The following MSRA variants were observed in gnomAD, a reference collection of about 807,000 sequenced individuals.
MSRA encodes mitochondrial peptide methionine sulfoxide reductase.
A neutral mutation model predicts 31.3 loss-of-function variants in MSRA; 54 were observed. The ratio of observed to expected loss-of-function variants is 1.73; its 90% CI spans 1.39 to 2.17. MSRA has a LOEUF of 2.17. Among genes scored for constraint, MSRA ranks in the 30% most tolerant of loss-of-function variants. MSRA has a pLI of 0.00. For missense variants in MSRA, 507 were observed against 300.9 expected (o/e 1.69, Z -5.07); for synonymous variants, 169 against 116.5 (o/e 1.45, Z -2.90).
intron 2 of MSRA, among the ~76,000 whole-genome samples, chr8:10,238,355 C>T (rs942976154): frequency 6.6e-6 from 1 of 152,194 alleles, no homozygotes; most frequent in Non-Finnish European, 1.5e-5. Flanking sequence ...TTTTTTATAG[C>T]TCTTGTTACC....
chr8:10,362,148 T>C (rs186403594), intron 5 of MSRA, among the ~76,000 whole-genome samples: 1 of 152,244 alleles, frequency 6.6e-6, no homozygotes, highest in East Asian at 1.9e-4. Flanking sequence ...TTTTCCTCCT[T>C]GTAAAATGGA....
chr8:10,125,237 G>A (rs1045893100), intron 1 of MSRA, among the ~76,000 whole-genome samples: 4 of 152,216 alleles, frequency 2.6e-5, no homozygotes, highest in East Asian at 3.9e-4. Flanking sequence ...CCAAAGACAT[G>A]TACTCTCTGC....
intron 1 of MSRA, among the ~76,000 whole-genome samples, chr8:10,069,030 A>G (rs142216676): frequency 1.2e-4 from 18 of 152,148 alleles, no homozygotes; most frequent in South Asian, 4.1e-4. Flanking sequence ...TGTTTTTTTG[A>G]TGTTGATGTA....
At chr8:10,110,296 C>T (rs1339937686) in intron 1 of MSRA, among the ~76,000 whole-genome samples, 2 of 152,240 alleles carry the variant, frequency 1.3e-5, no homozygotes, top group East Asian at 3.9e-4. Context: ...TTTTATTTTG[C>T]CCCATTCTTT....
intron 2 of MSRA, among the ~76,000 whole-genome samples, chr8:10,208,576 C>G (rs961527101): frequency 1.3e-5 from 2 of 151,822 alleles, no homozygotes; most frequent in African/African-American, 4.8e-5. Context: ...TTTCTCCATT[C>G]TTTCCTTCCT....
intron 5 of MSRA, among the ~76,000 whole-genome samples, chr8:10,379,912 C>T (rs1805965377): frequency 6.6e-6 from 1 of 152,148 alleles, no homozygotes; most frequent in South Asian, 2.1e-4. Context: ...CAAACTCAGG[C>T]CAGATGCCTA....
chr8:10,222,390 A>G (rs75506103), intron 2 of MSRA, among the ~76,000 whole-genome samples: 4,677 of 152,198 alleles, frequency 0.031, 111 homozygotes, highest in East Asian at 0.15. Flanking sequence ...GTTGGTGAGG[A>G]CTCTCACTGT....
At chr8:10,231,193 C>T (rs957299118) in intron 2 of MSRA, among the ~76,000 whole-genome samples, 1 of 151,604 alleles carries the variant, frequency 6.6e-6, no homozygotes, top group Middle Eastern at 3.4e-3. Flanking sequence ...GGCGGGCGGA[C>T]AGGGAGGAGG....
At chr8:10,414,955 A>G (rs982173511) in intron 5 of MSRA, among the ~76,000 whole-genome samples, 2 of 152,194 alleles carry the variant, frequency 1.3e-5, no homozygotes, top group Non-Finnish European at 2.9e-5. Flanking sequence ...AAAGCCATGA[A>G]AAGAAAACTC....
chr8:10,385,716 C>T (rs570710384), intron 5 of MSRA, among the ~76,000 whole-genome samples: 10 of 149,824 alleles, frequency 6.7e-5, no homozygotes, highest in African/African-American at 2.4e-4. Context: ...AAGGCCAGGG[C>T]GGAGGTGGAA....
At chr8:10,293,809 G>A (rs1021983409) in intron 3 of MSRA, among the ~76,000 whole-genome samples, 1 of 152,040 alleles carries the variant, frequency 6.6e-6, no homozygotes, top group Non-Finnish European at 1.5e-5. Context: ...TGATGACTGG[G>A]GCAGCAGGTG....
intron 5 of MSRA, among the ~76,000 whole-genome samples, chr8:10,324,848 T>G (rs1378743255): frequency 6.6e-6 from 1 of 152,178 alleles, no homozygotes; most frequent in Non-Finnish European, 1.5e-5. Flanking sequence ...CGGGAGAAGA[T>G]GAGGAAGCAT....
In MSRA at chr8:10,274,738, C is replaced by A. The variant is rs1046975807; in HGVS notation, c.332-26796C>A. The stretch of plus-strand genomic sequence containing the variant: ...CCATGTATCCACTCATCCATCTGTA[C>A]ACCCACCCACTCACCCATCCACCAT... On this transcript the variant is annotated intron_variant, in intron 3 of 5. Coordinates refer to ENST00000317173, the MANE Select transcript of MSRA (RefSeq NM_012331.5). Among the ~76,000 whole-genome samples the A allele has an allele frequency of 2.0e-5, 3 of 152,066 alleles. No individual in the cohort carries two copies. In the East Asian group the frequency reaches 5.8e-4, roughly 29 times the overall value.
At chr8:10,290,971 A>T (rs1337505158) in intron 3 of MSRA, among the ~76,000 whole-genome samples, 1 of 152,118 alleles carries the variant, frequency 6.6e-6, no homozygotes, top group East Asian at 1.9e-4. Flanking sequence ...TACCCTTCTT[A>T]TTCTGGAAAA....
At chr8:10,308,489 TGCTCCATAATGCCCTGTTAAAA>T (rs1801260897) in intron 4 of MSRA, among the ~76,000 whole-genome samples, 1 of 152,182 alleles carries the variant, frequency 6.6e-6, no homozygotes, top group African/African-American at 2.4e-5. Flanking sequence ...TCTCATTCCC[TGCTCCATAATGCCCTGTTAAAA>T]ACACAAAACC....
At chr8:10,094,803 A>G (rs1426421872) in intron 1 of MSRA, among the ~76,000 whole-genome samples, 1 of 152,272 alleles carries the variant, frequency 6.6e-6, no homozygotes, top group African/African-American at 2.4e-5. Flanking sequence ...ATTATATTGT[A>G]TTAACATGAA....
At chr8:10,208,646 C>G (rs1253931867) in intron 2 of MSRA, among the ~76,000 whole-genome samples, 1 of 152,058 alleles carries the variant, frequency 6.6e-6, no homozygotes. Flanking sequence ...TAGCAGTGCT[C>G]TGGGGTTCAT....
At chr8:10,203,338 T>G (rs1238136492) in intron 1 of MSRA, among the ~76,000 whole-genome samples, 8 of 152,136 alleles carry the variant, frequency 5.3e-5, no homozygotes, top group African/African-American at 1.4e-4. Flanking sequence ...CTGGGGAAAC[T>G]ATTTCTGAGG....
chr8:10,424,682 G>C (rs1809026398), intron 5 of MSRA, among the ~76,000 whole-genome samples: 1 of 151,934 alleles, frequency 6.6e-6, no homozygotes, highest in East Asian at 1.9e-4. Context: ...CCCGGGGTGG[G>C]TTGGATCGGA....
Sources: gnomAD v4.1 joint callset for allele counts (sites outside exome capture counted in the v4.1 genomes callset) on GRCh38, gnomAD v4.1.1 for gene constraint, MANE v1.5 for transcripts, NCBI Gene and HGNC (gene_info 2026-07-23, HGNC 2026-07-21) for gene names.